SMCO4: variants seen among roughly 807,000 people sequenced by gnomAD.
The protein encoded by SMCO4 is single-pass membrane and coiled-coil domain-containing protein 4.
In SMCO4, 4 loss-of-function variants were observed where a neutral mutation model predicts 3.6. That is an observed-to-expected ratio of 1.11 (90% CI 0.54 to 2.53). The LOEUF (loss-of-function observed/expected upper bound fraction) is 2.53. Ranked by LOEUF, SMCO4 falls within the 30% of genes most tolerant of loss-of-function variation. SMCO4 has a pLI of 0.02. For synonymous variants in SMCO4, 36 were observed against 35.3 expected (o/e 1.02, Z -0.07); for missense variants, 70 against 80.8 (o/e 0.87, Z 0.51).
intron 1 of SMCO4, among the ~76,000 whole-genome samples, chr11:93,541,817 C>T (rs902608476): frequency 3.3e-5 from 5 of 152,146 alleles, no homozygotes; most frequent in Admixed American, 2.6e-4. Context: ...TAAGAACAGG[C>T]TAAGGCTTAT....
intron 1 of SMCO4, among the ~76,000 whole-genome samples, chr11:93,509,620 C>T (rs944880403): frequency 3.3e-5 from 5 of 152,170 alleles, no homozygotes; most frequent in East Asian, 1.9e-4. Context: ...ACATATACCA[C>T]GAAAGACTAC....
chr11:93,515,202 C>T (rs1161013769), intron 1 of SMCO4, among the ~76,000 whole-genome samples: 1 of 152,172 alleles, frequency 6.6e-6, no homozygotes, highest in Non-Finnish European at 1.5e-5. Context: ...TCAGGTCAAG[C>T]AACTCTGTGA....
chr11:93,513,264 C>T (rs1948975291), intron 1 of SMCO4, among the ~76,000 whole-genome samples: 1 of 152,150 alleles, frequency 6.6e-6, no homozygotes, highest in African/African-American at 2.4e-5. Context: ...ATAAATAAGT[C>T]AATATATGTG....
the SMCO4 span, among the ~76,000 whole-genome samples, chr11:93,550,673 TTTTTTA>T: frequency 6.6e-6 from 1 of 152,088 alleles, no homozygotes; most frequent in African/African-American, 2.4e-5. Flanking sequence ...ACCCTGAATT[TTTTTTA>T]TTTTTATTTT....
chr11:93,502,480 G>A (rs1265963534), intron 1 of SMCO4, among the ~76,000 whole-genome samples: 1 of 152,146 alleles, frequency 6.6e-6, no homozygotes, highest in Non-Finnish European at 1.5e-5. Context: ...ACAAAATGTA[G>A]GGTCCCTATG....
At chr11:93,532,849 GGGAACC>G (rs144297743) in intron 1 of SMCO4, among the ~76,000 whole-genome samples, 40,353 of 152,024 alleles carry the variant, frequency 0.27, 5,637 homozygotes, top group Middle Eastern at 0.34. Flanking sequence ...CAGCAGCCCT[GGGAACC>G]TAATAAACAT....
chr11:93,481,821 G>A (rs1214567785), intron 2 of SMCO4, among the ~76,000 whole-genome samples: 3 of 152,200 alleles, frequency 2.0e-5, no homozygotes, highest in Non-Finnish European at 4.4e-5. Flanking sequence ...GTCGGAGCCC[G>A]CTGCTGTCTC....
At chr11:93,490,429 A>G (rs1282599672) in intron 2 of SMCO4, among the ~76,000 whole-genome samples, 3 of 152,242 alleles carry the variant, frequency 2.0e-5, no homozygotes, top group Non-Finnish European at 4.4e-5. Context: ...GAAAGAATAT[A>G]ACGGCAGCAC....
chr11:93,506,880 C>T (rs1226710051), intron 1 of SMCO4, among the ~76,000 whole-genome samples: 2 of 152,186 alleles, frequency 1.3e-5, no homozygotes, highest in African/African-American at 2.4e-5. Flanking sequence ...GGCCAGAGTG[C>T]GGTGGTTGTC....
chr11:93,517,172 G>A (rs1204907251), intron 1 of SMCO4, among the ~76,000 whole-genome samples: 4 of 152,086 alleles, frequency 2.6e-5, no homozygotes, highest in African/African-American at 4.8e-5. Context: ...AAAAGATGCC[G>A]GCACATCTCC....
intron 1 of SMCO4, among the ~76,000 whole-genome samples, chr11:93,510,144 A>C (rs1948944286): frequency 6.6e-6 from 1 of 152,234 alleles, no homozygotes; most frequent in South Asian, 2.1e-4. Context: ...TGTGAGCATC[A>C]TGGACTCTGA....
chr11:93,536,275 C>T (rs1398592704), intron 1 of SMCO4, among the ~76,000 whole-genome samples: 2 of 152,208 alleles, frequency 1.3e-5, no homozygotes, highest in African/African-American at 2.4e-5. Context: ...ATGGGTACTG[C>T]TGCAACATTT....
intron 1 of SMCO4, among the ~76,000 whole-genome samples, chr11:93,530,198 C>A (rs1949148738): frequency 6.6e-6 from 1 of 152,232 alleles, no homozygotes; most frequent in African/African-American, 2.4e-5. Flanking sequence ...GTTCACCAGG[C>A]AGGCCCAAGG....
intron 1 of SMCO4, among the ~76,000 whole-genome samples, chr11:93,532,654 G>A (rs192340288): frequency 1.3e-5 from 2 of 152,258 alleles, no homozygotes; most frequent in Admixed American, 1.3e-4. Context: ...CAGACACAGG[G>A]GAATGCCATG....
intron 1 of SMCO4, among the ~76,000 whole-genome samples, chr11:93,507,207 T>A (rs1948914659): frequency 6.6e-6 from 1 of 152,020 alleles, no homozygotes. Flanking sequence ...GAGTTCAAGG[T>A]CAGCCTGAAC....
At chr11:93,504,273 C>T (rs1438283364) in intron 1 of SMCO4, among the ~76,000 whole-genome samples, 1 of 152,204 alleles carries the variant, frequency 6.6e-6, no homozygotes, top group Non-Finnish European at 1.5e-5. Context: ...AACCTGGATA[C>T]ATGTCATTCC....
At chr11:93,522,353 T>G (rs2243410) in intron 1 of SMCO4, among the ~76,000 whole-genome samples, 118,940 of 152,082 alleles carry the variant, frequency 0.78, 46,905 homozygotes, top group African/African-American at 0.84. Flanking sequence ...CCTCTGGCTT[T>G]TTACAAGGGA....
chr11:93,485,455 C>T (rs1565372675), intron 2 of SMCO4, among the ~76,000 whole-genome samples: 2 of 152,244 alleles, frequency 1.3e-5, no homozygotes, highest in East Asian at 1.9e-4. Context: ...TGCAGTCTCT[C>T]ATCTTTGGAC....
chr11:93,538,280 T>C (rs1949244879), intron 1 of SMCO4, among the ~76,000 whole-genome samples: 1 of 152,184 alleles, frequency 6.6e-6, no homozygotes, highest in Non-Finnish European at 1.5e-5. Flanking sequence ...CTGCCACTCC[T>C]GCTTCCCAGT....
Sources: gnomAD v4.1 joint callset for allele counts (sites outside exome capture counted in the v4.1 genomes callset) on GRCh38, gnomAD v4.1.1 for gene constraint, MANE v1.5 for transcripts, NCBI Gene and HGNC (gene_info 2026-07-23, HGNC 2026-07-21) for gene names.